Variants in CES1 observed in about 807,000 individuals in gnomAD.
CES1 encodes the protein carboxylesterase 1, also known as liver carboxylesterase 1.
A neutral mutation model predicts 53.0 loss-of-function variants in CES1; 50 were observed. The observed-to-expected ratio is 0.94, with a 90% confidence interval of 0.75 to 1.19. The LOEUF is 1.19. Among genes scored for constraint, CES1 ranks in the 50% most tolerant of loss-of-function variants. The pLI, the probability that CES1 is intolerant of heterozygous loss-of-function variation, is 0.00. For missense variants in CES1, 534 were observed against 538.0 expected (o/e 0.99, Z 0.07); for synonymous variants, 202 against 210.1 (o/e 0.96, Z 0.33).
chr16:55,815,330 G>A (rs1222056418), intron 8 of CES1, among the ~76,000 whole-genome samples: 1 of 152,198 alleles, frequency 6.6e-6, no homozygotes, highest in Non-Finnish European at 1.5e-5. Context: ...AGAAGTGGGG[G>A]TGACGTGCTC....
chr16:55,811,070 A>G lies in CES1; in HGVS notation c.1087-60T>C, dbSNP rs555053296. ...ATTGGGAATTAATGATAAGAAACAAACTGACCAACCAACCAAACCAATGCA... is the reference window on the plus strand; with the variant it reads ...ATTGGGAATTAATGATAAGAAACAAGCTGACCAACCAACCAAACCAATGCA... On this transcript the variant is annotated intron_variant, in intron 9 of 13. Coordinates refer to ENST00000360526, the MANE Select transcript of CES1 (RefSeq NM_001025195.2). 2.7e-5 allele frequency: 38 copies of G among 1,398,472 alleles called. No individual in the cohort carries two copies. In the East Asian group the frequency reaches 8.5e-4, roughly 31 times the overall value. The allele number at this position is 1,398,472 out of a possible 1,614,324, so 86.6% of individuals were successfully genotyped here.
chr16:55,829,210 C>T (rs1275345977), intron 1 of CES1, among the ~76,000 whole-genome samples: 1 of 152,164 alleles, frequency 6.6e-6, no homozygotes, highest in Non-Finnish European at 1.5e-5. Flanking sequence ...AAAATAAATG[C>T]AAGAAGGAGA....
chr16:55,831,283 G>C (rs4783904), intron 1 of CES1, among the ~76,000 whole-genome samples: 2 of 151,248 alleles, frequency 1.3e-5, no homozygotes, highest in Admixed American at 6.6e-5. Flanking sequence ...CCAGCTAAGA[G>C]TGCTGAGGAC....
chr16:55,830,790 G>GAAGGAAGGA (rs2032617374), intron 1 of CES1, among the ~76,000 whole-genome samples: 1 of 145,314 alleles, frequency 6.9e-6, no homozygotes, highest in Non-Finnish European at 1.5e-5. Flanking sequence ...AGGAAGGAAG[G>GAAGGAAGGA]AAGGAAGGAA....
At chr16:55,830,156 G>A (rs1177893529) in intron 1 of CES1, among the ~76,000 whole-genome samples, 1 of 152,164 alleles carries the variant, frequency 6.6e-6, no homozygotes. Context: ...GTCTTAAAGG[G>A]GAATATCCAA....
In CES1 at chr16:55,826,202, A is replaced by C; in HGVS notation, c.354T>G (p.Leu118=). 6.2e-7 allele frequency: 1 copy of C among 1,613,998 alleles called. No individual in the cohort carries two copies. The highest frequency in any genetic ancestry group is 8.5e-7 in the Non-Finnish European group (1 of 1,179,868). The change falls in exon 3 of 14, where the codon CTT becomes CTG. Residue 118 remains leucine, a synonymous_variant. Transcript: ENST00000360526. ...NIPLKLSEDC[L]YLNIYTPADL... is the part of the protein sequence containing the mutation. ...CAGCAGGAGTGTAAATATTGAGGTAAAGACAGTCTTCAGAAAGCTTGAGAG... is the reference window on the plus strand; with the variant it reads ...CAGCAGGAGTGTAAATATTGAGGTACAGACAGTCTTCAGAAAGCTTGAGAG...
At chr16:55,822,048 G>A (rs548496194) in intron 4 of CES1, among the ~76,000 whole-genome samples, 23 of 152,336 alleles carry the variant, frequency 1.5e-4, no homozygotes, top group African/African-American at 5.1e-4. Flanking sequence ...TCCAAAGAAA[G>A]GAATTCCAGG....
intron 6 of CES1, chr16:55,819,941 A>C (rs1438787086): frequency 3.6e-6 from 2 of 560,974 alleles, no homozygotes; most frequent in Non-Finnish European, 6.4e-6. Flanking sequence ...GATAGAGAGC[A>C]TGGAATCCTG....
At chr16:55,822,968 A>G (rs2032263859) in intron 4 of CES1, among the ~76,000 whole-genome samples, 1 of 152,074 alleles carries the variant, frequency 6.6e-6, no homozygotes, top group African/African-American at 2.4e-5. Flanking sequence ...TCCTGTCCCC[A>G]TGGAGACCTG....
At chr16:55,815,572 C>T (rs1342864520) in intron 8 of CES1, among the ~76,000 whole-genome samples, 4 of 152,274 alleles carry the variant, frequency 2.6e-5, no homozygotes, top group South Asian at 4.1e-4. Context: ...AAACTCAGGG[C>T]GTCCTCCACT....
intron 2 of CES1, 121 bp from the exon 3 acceptor site, chr16:55,826,416 C>T (rs546269213): frequency 6.4e-5 from 82 of 1,274,664 alleles, no homozygotes; most frequent in African/African-American, 1.8e-4. Flanking sequence ...TACAGACTCA[C>T]GACATTGTAG....
Position 55,826,302 on chromosome 16 carries a change from A to G in CES1, c.261-7T>C, listed in dbSNP as rs1386885129. On this transcript the variant is annotated splice_polypyrimidine_tract_variant and splice_region_variant and intron_variant, in intron 2 of 13. Coordinates refer to ENST00000360526, the MANE Select transcript of CES1 (RefSeq NM_001025195.2). Reference sequence around the variant, plus strand: ...CTTGGGATCTTGGGTGCACCTGGGGAGGGGGAAAGAAGAACCCCTGAAGTT... The same window carrying G: ...CTTGGGATCTTGGGTGCACCTGGGGGGGGGGAAAGAAGAACCCCTGAAGTT... The G allele has an allele frequency of 1.9e-6, 3 of 1,613,782 alleles. No homozygotes were observed. The African/African-American group carries it at 4.0e-5, about 22-fold the overall frequency.
intron 11 of CES1, among the ~76,000 whole-genome samples, chr16:55,809,093 CAAAAAAAAA>C (rs376932562): frequency 1.8e-4 from 13 of 72,068 alleles, no homozygotes; most frequent in African/African-American, 7.2e-4. Flanking sequence ...GTAGTCCTGG[CAAAAAAAAA>C]AAAAAAAAAG....
chr16:55,828,384 T>C (rs2032498846), intron 2 of CES1, among the ~76,000 whole-genome samples: 1 of 152,218 alleles, frequency 6.6e-6, no homozygotes, highest in African/African-American at 2.4e-5. Context: ...TCCTTCCTTC[T>C]GATCTCCCTC....
At position 55,819,601 on chromosome 16, in the gene CES1, A is replaced by G. The variant is rs754068271; in HGVS notation, c.840T>C (p.Ser280=). Residue 280 remains serine, a synonymous_variant, in exon 7 of 14, where the codon TCT becomes TCC. Transcript: ENST00000360526. ...AITAGCKTTT[S]AVMVHCLRQK... ...GTCGCAGGCAGTGAACCATGACAGC[A>G]GAGGTGGTGGTTTTGCACCCAGCAG... The G allele has an allele frequency of 6.8e-6, 11 of 1,613,828 alleles. No homozygotes were observed. The highest frequency in any genetic ancestry group is 9.3e-6 in the Non-Finnish European group (11 of 1,179,972).
In CES1 at chr16:55,816,976, G is replaced by A; in HGVS notation, c.907-14C>T. ...AGATAAGAATTTCTGTGAAGACAAA[G>A]GCAGAGGATGTGGGTGAGAGGCTTA... On this transcript the variant is annotated splice_polypyrimidine_tract_variant and intron_variant, in intron 7 of 13. Coordinates refer to ENST00000360526, the MANE Select transcript of CES1 (RefSeq NM_001025195.2). The A allele has an allele frequency of 1.2e-6, 2 of 1,614,166 alleles. No individual in the cohort carries two copies. Among genetic ancestry groups the A allele is most frequent in the Non-Finnish European group, 1.7e-6 (2 of 1,180,012 alleles).
Position 55,811,000 on chromosome 16 carries a change from CTCA to C in CES1, c.1094_1096del (p.Met365del). ...CAGTTGCCCTTCGGAGAGTGGATAG[CTCA>C]TCAACTGCTAAAAAAAAAAAAAAGT... is the stretch of plus-strand genomic sequence containing the variant. On this transcript the variant is annotated inframe_deletion, in exon 10 of 14. Transcript: ENST00000360526. 1 of 1,591,984 alleles carries C rather than the reference CTCA, an allele frequency of 6.3e-7. No individual in the cohort carries two copies. The highest frequency in any genetic ancestry group is 8.5e-7 in the Non-Finnish European group (1 of 1,171,734).
intron 7 of CES1, among the ~76,000 whole-genome samples, chr16:55,817,891 A>C (rs1276149814): frequency 1.3e-5 from 2 of 152,232 alleles, no homozygotes; most frequent in Non-Finnish European, 2.9e-5. Context: ...GGGTTTTCCC[A>C]AAGACTCAAC....
chr16:55,808,275 CTT>C (rs1373537560), intron 11 of CES1, among the ~76,000 whole-genome samples: 1 of 148,522 alleles, frequency 6.7e-6, no homozygotes, highest in Non-Finnish European at 1.5e-5. Flanking sequence ...TTGTAAAACT[CTT>C]TGGCTAAAGC....
Sources: allele counts gnomAD v4.1 joint callset (sites outside exome capture counted in the v4.1 genomes callset), GRCh38; gene constraint gnomAD v4.1.1; transcripts MANE v1.5; gene names NCBI Gene and HGNC (gene_info 2026-07-23, HGNC 2026-07-21).